The following FOXJ3 variants were observed in gnomAD, a reference collection of about 807,000 sequenced individuals.
FOXJ3 encodes the protein forkhead box J3.
FOXJ3 carries 22 observed loss-of-function variants against 76.1 expected under a neutral mutation model. The ratio of observed to expected loss-of-function variants is 0.29; its 90% CI spans 0.21 to 0.41. The LOEUF is 0.41. FOXJ3 is among the 10% of genes least tolerant of loss of function. FOXJ3 has a pLI of 1.00. For missense variants in FOXJ3, 613 were observed against 762.1 expected (o/e 0.80, Z 2.30); for synonymous variants, 269 against 261.2 (o/e 1.03, Z -0.29).
chr1:42,312,168 A>G lies in FOXJ3; in HGVS notation c.-17-1058T>C, dbSNP rs80082673. Among the ~76,000 whole-genome samples, 1,080 of 152,264 alleles carry G rather than the reference A, an allele frequency of 7.1e-3. 21 individuals carry two copies. The highest frequency in any genetic ancestry group is 0.025 in the African/African-American group (1,043 of 41,538). On this transcript the variant is annotated intron_variant, in intron 1 of 12. Transcript: ENST00000361346. Reference sequence around the variant, plus strand: ...TAGACCCAGCATTTTAAGAACTTCCAATTTTTCAAGAGAAACAAAAAAATC... The same window carrying G: ...TAGACCCAGCATTTTAAGAACTTCCGATTTTTCAAGAGAAACAAAAAAATC...
upstream of FOXJ3, chr1:42,335,337 G>A (rs1445207479): frequency 6.6e-6 from 1 of 152,144 alleles, no homozygotes; most frequent in Non-Finnish European, 1.5e-5. Flanking sequence ...GCGCGGTCAC[G>A]GTCGCTTCGA....
At chr1:42,314,674 G>A (rs934047843) in intron 1 of FOXJ3, among the ~76,000 whole-genome samples, 4 of 152,224 alleles carry the variant, frequency 2.6e-5, no homozygotes, top group African/African-American at 4.8e-5. Context: ...GGCATGAGGG[G>A]CTGCAGAAAG....
At chr1:42,249,392 A>G (rs1482141688) in intron 4 of FOXJ3, among the ~76,000 whole-genome samples, 1 of 152,208 alleles carries the variant, frequency 6.6e-6, no homozygotes, top group East Asian at 1.9e-4. Flanking sequence ...AAATCAAGGA[A>G]TTCACCTACA....
At chr1:42,334,189 G>A (rs1656324142) in intron 1 of FOXJ3, 9 of 886,812 alleles carry the variant, frequency 1.0e-5, no homozygotes, top group African/African-American at 1.8e-5. Flanking sequence ...ACAGAGAAAA[G>A]AATAAGAGCA....
intron 2 of FOXJ3, among the ~76,000 whole-genome samples, chr1:42,306,073 GA>G (rs1233955987): frequency 6.6e-6 from 1 of 152,132 alleles, no homozygotes; most frequent in Non-Finnish European, 1.5e-5. Flanking sequence ...TGTCATATGA[GA>G]TACATACATA....
chr1:42,188,224 A>G (rs1156487466), intron 11 of FOXJ3, among the ~76,000 whole-genome samples: 1 of 152,202 alleles, frequency 6.6e-6, no homozygotes, highest in Non-Finnish European at 1.5e-5. Context: ...AAGGGTAAAG[A>G]ATGAAGGAAG....
intron 4 of FOXJ3, among the ~76,000 whole-genome samples, chr1:42,253,991 C>T (rs1372165784): frequency 2.7e-5 from 4 of 150,646 alleles, no homozygotes; most frequent in African/African-American, 9.7e-5. Context: ...AGAGCTTCTG[C>T]ACAGCAAAAG....
rs34806824 is a variant in FOXJ3, at chr1:42,213,397, G to A, written c.529-7534C>T. On this transcript the variant is annotated intron_variant, in intron 5 of 12. Coordinates refer to ENST00000361346, the MANE Select transcript of FOXJ3 (RefSeq NM_014947.5). ...AAAGGAGTGAAAAAAGATATTTCTG[G>A]CAAATGGAAGCCAAAAGCAAGCAGG... Among the ~76,000 whole-genome samples, 221 of 151,236 alleles carry A rather than the reference G, an allele frequency of 1.5e-3. 1 individual carries two copies. The highest frequency in any genetic ancestry group is 0.012 in the Admixed American group (188 of 15,180).
At chr1:42,316,626 A>T (rs1045069378) in intron 1 of FOXJ3, among the ~76,000 whole-genome samples, 5 of 152,162 alleles carry the variant, frequency 3.3e-5, no homozygotes, top group Non-Finnish European at 2.9e-5. Flanking sequence ...TGGATATGTT[A>T]ACTTCCCTAA....
chr1:42,249,695 A>T (rs1048435470), intron 4 of FOXJ3, among the ~76,000 whole-genome samples: 1 of 152,234 alleles, frequency 6.6e-6, no homozygotes, highest in African/African-American at 2.4e-5. Flanking sequence ...TGTGTATCAG[A>T]CACTGCTGGG....
At chr1:42,291,830 G>C (rs1464576373) in intron 2 of FOXJ3, among the ~76,000 whole-genome samples, 1 of 152,066 alleles carries the variant, frequency 6.6e-6, no homozygotes, top group African/African-American at 2.4e-5. Context: ...AAAATATAAA[G>C]AACTCTCAAA....
At chr1:42,240,967 T>A (rs1649091171) in intron 4 of FOXJ3, among the ~76,000 whole-genome samples, 1 of 152,144 alleles carries the variant, frequency 6.6e-6, no homozygotes, top group Admixed American at 6.5e-5. Flanking sequence ...ATAATCACAT[T>A]TCAAACATAG....
chr1:42,191,162 A>AT (rs2124193634), intron 9 of FOXJ3, 141 bp downstream of exon 9: 1 of 762,190 alleles, frequency 1.3e-6, no homozygotes, highest in Non-Finnish European at 1.9e-6. Flanking sequence ...TCTATGAATT[A>AT]AATGAGTTAC....
intron 2 of FOXJ3, among the ~76,000 whole-genome samples, chr1:42,279,301 C>T (rs1652521920): frequency 6.6e-6 from 1 of 152,058 alleles, no homozygotes; most frequent in African/African-American, 2.4e-5. Context: ...AATGCAAAGT[C>T]AAGGACACTG....
At chr1:42,193,534 T>C (rs1237087249) in intron 8 of FOXJ3, among the ~76,000 whole-genome samples, 4 of 152,174 alleles carry the variant, frequency 2.6e-5, no homozygotes, top group African/African-American at 9.7e-5. Context: ...CTTCCATTAG[T>C]TCTTTTTATA....
intron 3 of FOXJ3, among the ~76,000 whole-genome samples, chr1:42,271,280 G>A (rs1323782592): frequency 6.6e-6 from 1 of 151,634 alleles, no homozygotes; most frequent in African/African-American, 2.4e-5. Flanking sequence ...CATTCTCTTT[G>A]AGGGTTTCCT....
intron 8 of FOXJ3, among the ~76,000 whole-genome samples, chr1:42,194,621 T>A (rs2124226860): frequency 6.6e-6 from 1 of 152,338 alleles, no homozygotes; most frequent in Middle Eastern, 3.4e-3. Context: ...CCATATGGTA[T>A]AGATGCAGTG....
chr1:42,329,905 G>T (rs557343090), intron 1 of FOXJ3, among the ~76,000 whole-genome samples: 1 of 151,778 alleles, frequency 6.6e-6, no homozygotes, highest in Admixed American at 6.6e-5. Flanking sequence ...ACAGTAAACA[G>T]AACAGTGTAG....
Position 42,181,944 on chromosome 1 carries a change from G to C in FOXJ3, c.1726C>G (p.Leu576Val), listed in dbSNP as rs1427226711. ...GCCATCGTTGTTCCTGGAGTGCTGA[G>C]TGCCTGTGGGATATGAGGATAACCA... ...PPGYPHIPQA[L>V]STPGTTMAGH... The change falls in exon 12 of 13, where the codon CTC (leucine) becomes GTC (valine). Residue 576 changes from leucine to valine, a missense_variant. By Grantham distance (32) the Leu-to-Val change is conservative. Around this residue, in one of 3 missense-constraint regions of FOXJ3, gnomAD observed 526 missense variants for 601.4 expected, o/e 0.87. Coordinates refer to ENST00000361346, the MANE Select transcript of FOXJ3 (RefSeq NM_014947.5). The C allele has an allele frequency of 6.2e-7, 1 of 1,612,900 alleles. No homozygotes were observed. The highest frequency in any genetic ancestry group is 1.3e-5 in the African/African-American group (1 of 74,854).
Sources: allele counts gnomAD v4.1 joint callset (sites outside exome capture counted in the v4.1 genomes callset), GRCh38; gene constraint gnomAD v4.1.1; regional missense constraint gnomAD v4.1.1; transcripts MANE v1.5; gene names NCBI Gene and HGNC (gene_info 2026-07-23, HGNC 2026-07-21).